Variants in ENKUR observed in about 807,000 individuals in gnomAD.
ENKUR encodes the protein enkurin.
A neutral mutation model predicts 27.6 loss-of-function variants in ENKUR; 19 were observed. The ratio of observed to expected loss-of-function variants is 0.69; its 90% CI spans 0.48 to 1.01. ENKUR has a LOEUF of 1.01. ENKUR is among the 50% of genes least tolerant of loss of function. The pLI is 0.00. For synonymous variants in ENKUR, 117 were observed against 96.9 expected (o/e 1.21, Z -1.22); for missense variants, 312 against 310.5 (o/e 1.00, Z -0.04).
upstream of ENKUR, among the ~76,000 whole-genome samples, chr10:25,020,153 G>C (rs1438785001): frequency 6.6e-6 from 1 of 151,822 alleles, no homozygotes; most frequent in Admixed American, 6.6e-5. Context: ...GCACTTAACT[G>C]CCTTCTGCTA....
chr10:25,056,641 A>G (rs1187812709), intron 2 of ENKUR, among the ~76,000 whole-genome samples: 1 of 152,234 alleles, frequency 6.6e-6, no homozygotes. Flanking sequence ...GCCAGCAGTC[A>G]ATTTTTGGAA....
At chr10:25,058,333 G>C (rs376791432) in intron 2 of ENKUR, among the ~76,000 whole-genome samples, 1 of 151,924 alleles carries the variant, frequency 6.6e-6, no homozygotes, top group African/African-American at 2.4e-5. Flanking sequence ...TCAGCCACCC[G>C]AGTAGCTGGG....
intron 2 of ENKUR, among the ~76,000 whole-genome samples, chr10:25,027,115 G>C (rs886609187): frequency 2.0e-5 from 3 of 151,846 alleles, no homozygotes; most frequent in African/African-American, 7.3e-5. Flanking sequence ...AGCACTTTGG[G>C]AGGCTGAGGC....
At chr10:24,999,265 C>A in intron 2 of ENKUR, 136 bp downstream of exon 2, 2 of 838,902 alleles carry the variant, frequency 2.4e-6, no homozygotes, top group South Asian at 2.0e-5. Context: ...CTTCCACTTT[C>A]TCCTAGTCAA....
chr10:24,984,483 A>T (rs1321017775), intron 5 of ENKUR, 107 bp from the exon 6 acceptor site: 2 of 1,343,170 alleles, frequency 1.5e-6, no homozygotes, highest in Non-Finnish European at 2.0e-6. Context: ...AATGAATTAC[A>T]TTGTGGAACT....
intron 2 of ENKUR, among the ~76,000 whole-genome samples, chr10:25,057,775 G>A (rs1041997861): frequency 6.6e-6 from 1 of 151,952 alleles, no homozygotes; most frequent in Non-Finnish European, 1.5e-5. Flanking sequence ...AGCATTTTTT[G>A]TTTAAGAGGC....
chr10:25,009,734 C>T lies in ENKUR; in HGVS notation c.77+6126G>A, dbSNP rs565559180. On this transcript the variant is annotated intron_variant, in intron 1 of 5. Coordinates refer to ENST00000331161, the MANE Select transcript of ENKUR (RefSeq NM_145010.4). ...AGTGAATCATGGGGGTAGGTCTTTC[C>T]CATGCTGTTCTTGGGATAGTGAATA... Among the ~76,000 whole-genome samples, 53 of 152,126 alleles carry T rather than the reference C, an allele frequency of 3.5e-4. 1 individual carries two copies. The highest frequency in any genetic ancestry group is 1.2e-3 in the African/African-American group (51 of 41,504).
At chr10:25,027,304 C>T (rs1227500691) in intron 2 of ENKUR, among the ~76,000 whole-genome samples, 3 of 137,396 alleles carry the variant, frequency 2.2e-5, no homozygotes, top group Non-Finnish European at 4.5e-5. Context: ...TGCAGTGAGC[C>T]GAAATCGCGC....
At chr10:25,020,238 A>ATATATCTATCTATATCTATATCTATATC (rs1554772124), upstream of ENKUR, among the ~76,000 whole-genome samples, 1 of 126,564 alleles carries the variant, frequency 7.9e-6, no homozygotes, top group African/African-American at 2.6e-5. Flanking sequence ...TTTCTTTAAA[A>ATATATCTATCTATATCTATATCTATATC]TATATCTATA....
chr10:24,999,792 A>G (rs1419327294), intron 1 of ENKUR, among the ~76,000 whole-genome samples: 3 of 152,190 alleles, frequency 2.0e-5, no homozygotes, highest in African/African-American at 7.2e-5. Flanking sequence ...TCCTTTGAAC[A>G]TCTGTAGCAT....
intron 2 of ENKUR, among the ~76,000 whole-genome samples, chr10:25,043,370 T>A (rs1045663932): frequency 6.6e-6 from 1 of 152,188 alleles, no homozygotes; most frequent in African/African-American, 2.4e-5. Flanking sequence ...TGAAAGCTTT[T>A]TATGTTCTAA....
At chr10:24,989,691 T>C (rs1849883494) in intron 4 of ENKUR, among the ~76,000 whole-genome samples, 1 of 152,244 alleles carries the variant, frequency 6.6e-6, no homozygotes, top group African/African-American at 2.4e-5. Context: ...TCAGAAGTTG[T>C]AACAGCATAT....
At chr10:25,027,032 A>G (rs1012534593) in intron 2 of ENKUR, among the ~76,000 whole-genome samples, 2 of 152,016 alleles carry the variant, frequency 1.3e-5, no homozygotes, top group African/African-American at 2.4e-5. Flanking sequence ...ATATTTAGAA[A>G]CTGCCTCTAA....
intron 2 of ENKUR, among the ~76,000 whole-genome samples, chr10:25,042,875 T>C (rs1036414321): frequency 1.3e-5 from 2 of 150,488 alleles, no homozygotes; most frequent in African/African-American, 4.9e-5. Context: ...AATTAAAAGG[T>C]GGAAGAAATG....
In ENKUR at chr10:25,003,510, G is replaced by A. The variant is rs1299198590; in HGVS notation, c.78-3964C>T. On this transcript the variant is annotated intron_variant, in intron 1 of 5. Coordinates refer to ENST00000331161, the MANE Select transcript of ENKUR (RefSeq NM_145010.4). ...ATGTGAGCCACTGCGCCAAGCCTGT[G>A]TTTCTATTTCTGTAAGAATTGCAAC... 2.0e-5 allele frequency among the ~76,000 whole-genome samples: 3 copies of A among 152,120 alleles called. No homozygotes were observed. The East Asian group carries it at 5.8e-4, about 29-fold the overall frequency.
At chr10:25,000,357 T>C (rs945592957) in intron 1 of ENKUR, among the ~76,000 whole-genome samples, 3 of 152,184 alleles carry the variant, frequency 2.0e-5, no homozygotes, top group African/African-American at 4.8e-5. Context: ...TATCTTCAAA[T>C]GTTCTGTATC....
intron 4 of ENKUR, among the ~76,000 whole-genome samples, chr10:24,988,865 A>G (rs945709357): frequency 8.6e-5 from 13 of 151,810 alleles, no homozygotes; most frequent in African/African-American, 3.1e-4. Flanking sequence ...ATCGAACTAC[A>G]TGCAACTCTT....
intron 2 of ENKUR, among the ~76,000 whole-genome samples, chr10:25,048,760 C>T (rs575401087): frequency 3.0e-4 from 45 of 152,194 alleles, no homozygotes; most frequent in Non-Finnish European, 4.4e-4. Flanking sequence ...TCCAGAGAGG[C>T]AAGGGATTCT....
At chr10:24,995,984 T>G in intron 2 of ENKUR, 115 bp from the exon 3 acceptor site, 1 of 782,304 alleles carries the variant, frequency 1.3e-6, no homozygotes, top group African/African-American at 1.8e-5. Flanking sequence ...TCATAATATA[T>G]TTAAATATTT....
Sources: gnomAD v4.1 joint callset for allele counts (sites outside exome capture counted in the v4.1 genomes callset) on GRCh38, gnomAD v4.1.1 for gene constraint, MANE v1.5 for transcripts, NCBI Gene and HGNC (gene_info 2026-07-23, HGNC 2026-07-21) for gene names.